Variants in KSR2 observed in about 807,000 individuals in gnomAD.
KSR2 encodes kinase suppressor of ras 2.
Under a neutral mutation model 107.8 loss-of-function variants are expected in KSR2, and 25 were observed. The observed-to-expected ratio is 0.23, with a 90% CI of 0.17 to 0.32. The LOEUF (loss-of-function observed/expected upper bound fraction) is 0.32, where lower values mean the gene tolerates loss of function less well. Ranked by LOEUF, KSR2 falls within the 10% of genes least tolerant of loss-of-function variation. The pLI, the probability that KSR2 is intolerant of heterozygous loss-of-function variation, is 1.00. For synonymous variants in KSR2, 480 were observed against 507.0 expected, an observed-to-expected ratio of 0.95 and a Z score of 0.71; for missense variants, 887 against 1,268.9, an observed-to-expected ratio of 0.70 and a Z score of 4.57.
At chr12:117,653,845 G>T (rs1884004978) in intron 5 of KSR2, among the ~76,000 whole-genome samples, 1 of 152,150 alleles carries the variant, frequency 6.6e-6, no homozygotes, top group Admixed American at 6.5e-5. Context: ...TTTTGAGTGG[G>T]GTCCAGAACA....
chr12:117,631,074 T>A (rs1466999091), intron 5 of KSR2, among the ~76,000 whole-genome samples: 1 of 152,064 alleles, frequency 6.6e-6, no homozygotes, highest in Non-Finnish European at 1.5e-5. Flanking sequence ...TCCCAACACT[T>A]TGGGAGGCTG....
At position 117,628,779 on chromosome 12, in the gene KSR2, G is replaced by A. The variant is rs762904272; in HGVS notation, c.1171+38695C>T. ...TTTAAGTCTGCAGGAGTTGTCTGCT[G>A]CCTTTTGTTCAGCTACGCCCTGCCC... On this transcript the variant is annotated intron_variant, in intron 5 of 19. Transcript: ENST00000339824. Among the ~76,000 whole-genome samples the A allele has an allele frequency of 9.2e-5, 14 of 152,258 alleles. 1 individual carries two copies. Among genetic ancestry groups the A allele is most frequent in the Non-Finnish European group, 1.8e-4 (12 of 68,040 alleles).
At chr12:117,587,234 G>A (rs560962813) in intron 5 of KSR2, among the ~76,000 whole-genome samples, 3 of 152,308 alleles carry the variant, frequency 2.0e-5, no homozygotes, top group East Asian at 3.9e-4. Context: ...TGCTGAAGAC[G>A]TGATCAAGTT....
chr12:117,478,078 C>T (rs150444997), intron 16 of KSR2, among the ~76,000 whole-genome samples: 11 of 152,134 alleles, frequency 7.2e-5, no homozygotes, highest in East Asian at 5.8e-4. Flanking sequence ...GAGCAGTCAG[C>T]GGGAGAGGGG....
At chr12:117,886,664 C>T (rs142390399) in intron 1 of KSR2, among the ~76,000 whole-genome samples, 15 of 152,108 alleles carry the variant, frequency 9.9e-5, no homozygotes, top group African/African-American at 3.6e-4. Context: ...CGTCATTTAG[C>T]GACATATGAC....
chr12:117,491,256 T>A (rs1437559406), intron 14 of KSR2, among the ~76,000 whole-genome samples: 1 of 152,190 alleles, frequency 6.6e-6, no homozygotes, highest in South Asian at 2.1e-4. Flanking sequence ...CTCAGCTCAC[T>A]GCAACCTCTG....
intron 4 of KSR2, among the ~76,000 whole-genome samples, chr12:117,685,057 G>A (rs572061533): frequency 1.3e-5 from 2 of 152,264 alleles, no homozygotes; most frequent in South Asian, 4.1e-4. Context: ...CACTGACAAT[G>A]CTGCCTCTGC....
intron 4 of KSR2, among the ~76,000 whole-genome samples, chr12:117,707,265 G>A (rs769348725): frequency 3.9e-4 from 60 of 152,200 alleles, no homozygotes; most frequent in Non-Finnish European, 7.1e-4. Flanking sequence ...AATAGGAAGT[G>A]ACAGTTAAGA....
intron 1 of KSR2, among the ~76,000 whole-genome samples, chr12:117,923,550 A>G (rs943781188): frequency 2.0e-5 from 3 of 152,124 alleles, no homozygotes; most frequent in Admixed American, 2.0e-4. Context: ...CAGCAGTCCC[A>G]ACTACTCAGG....
intron 1 of KSR2, among the ~76,000 whole-genome samples, chr12:117,920,771 C>T (rs1272928199): frequency 6.6e-6 from 1 of 152,076 alleles, no homozygotes; most frequent in African/African-American, 2.4e-5. Context: ...AGTGTGGCTG[C>T]CCACGCTACA....
At position 117,664,942 on chromosome 12, in the gene KSR2, A is replaced by G. The variant is rs534250333; in HGVS notation, c.1171+2532T>C. 2.0e-5 allele frequency among the ~76,000 whole-genome samples: 3 copies of G among 152,256 alleles called. No individual in the cohort carries two copies. In the East Asian group the frequency reaches 5.8e-4, roughly 29 times the overall value. On this transcript the variant is annotated intron_variant, in intron 5 of 19. Transcript: ENST00000339824. ...AACCGGCGGCAACACTGAGATTCCA[A>G]CAGAGAGCTTCTCGTTTCCCAAACG...
intron 4 of KSR2, among the ~76,000 whole-genome samples, chr12:117,741,353 C>CA (rs869275569): frequency 2.6e-4 from 28 of 106,220 alleles, no homozygotes; most frequent in Non-Finnish European, 2.9e-4. Context: ...CCAGTCTGTA[C>CA]AAAAAAAAAA....
chr12:117,820,088 A>G (rs502394), intron 3 of KSR2, among the ~76,000 whole-genome samples: 2 of 152,094 alleles, frequency 1.3e-5, no homozygotes, highest in African/African-American at 4.8e-5. Context: ...TCATTTTTCA[A>G]AATTTTCACA....
At chr12:117,873,452 T>C (rs1296898529) in intron 1 of KSR2, among the ~76,000 whole-genome samples, 14 of 145,088 alleles carry the variant, frequency 9.6e-5, no homozygotes, top group Admixed American at 9.5e-4. Flanking sequence ...TTTAAAGATG[T>C]TCATGGTGCT....
intron 5 of KSR2, among the ~76,000 whole-genome samples, chr12:117,594,041 T>C (rs1452912117): frequency 6.6e-6 from 1 of 152,236 alleles, no homozygotes; most frequent in African/African-American, 2.4e-5. Flanking sequence ...ATTACTTACA[T>C]ATTTATCGCC....
At chr12:117,714,095 CAA>C in intron 4 of KSR2, among the ~76,000 whole-genome samples, 1 of 152,280 alleles carries the variant, frequency 6.6e-6, no homozygotes, top group East Asian at 1.9e-4. Flanking sequence ...TCTTCATTAT[CAA>C]AGTCTGGCTC....
intron 3 of KSR2, among the ~76,000 whole-genome samples, chr12:117,828,440 C>T (rs1891836056): frequency 6.6e-6 from 1 of 152,176 alleles, no homozygotes; most frequent in Admixed American, 6.5e-5. Context: ...CAAATGGCTA[C>T]CAAACCATTT....
At position 117,806,936 on chromosome 12, in the gene KSR2, C is replaced by G. The variant is rs373195100; in HGVS notation, c.473-45412G>C. ...TACAGGCTGGGGCCTCAAGAACAAG[C>G]CTCTCACTTCCCAGAGTGCCTGTCC... On this transcript the variant is annotated intron_variant, in intron 3 of 19. Transcript: ENST00000339824. Among the ~76,000 whole-genome samples the G allele has an allele frequency of 2.0e-5, 3 of 152,302 alleles. No homozygotes were observed. The East Asian group carries it at 5.8e-4, about 29-fold the overall frequency.
At chr12:117,836,226 C>T (rs1029102904) in intron 3 of KSR2, among the ~76,000 whole-genome samples, 1 of 152,126 alleles carries the variant, frequency 6.6e-6, no homozygotes, top group Non-Finnish European at 1.5e-5. Context: ...ATGGAAGTCA[C>T]AGGCAACACC....
Sources: allele counts gnomAD v4.1 joint callset (sites outside exome capture counted in the v4.1 genomes callset), GRCh38; gene constraint gnomAD v4.1.1; transcripts MANE v1.5; gene names NCBI Gene and HGNC (gene_info 2026-07-23, HGNC 2026-07-21).